The following GAS7 variants were observed in gnomAD, a reference collection of about 807,000 sequenced individuals.
GAS7 encodes the protein growth arrest-specific protein 7.
In GAS7, 28 loss-of-function variants were observed where a neutral mutation model predicts 71.1. That is an observed-to-expected ratio of 0.39 (90% CI 0.29 to 0.54). The LOEUF (loss-of-function observed/expected upper bound fraction) is 0.54, where lower values mean the gene tolerates loss of function less well. Among genes scored for constraint, GAS7 ranks in the 20% least tolerant of loss-of-function variants. GAS7 has a pLI of 0.62. For missense variants in GAS7, 436 were observed against 627.8 expected, an observed-to-expected ratio of 0.69 and a Z score of 3.27; for synonymous variants, 258 against 245.8, an observed-to-expected ratio of 1.05 and a Z score of -0.46.
intron 6 of GAS7, among the ~76,000 whole-genome samples, chr17:9,946,129 T>C (rs149592746): frequency 3.7e-4 from 56 of 152,346 alleles, no homozygotes; most frequent in Admixed American, 8.5e-4. Flanking sequence ...CCCCACTATC[T>C]GATTCCAGAA....
At chr17:10,022,232 T>G (rs1392740088) in intron 1 of GAS7, among the ~76,000 whole-genome samples, 4 of 152,100 alleles carry the variant, frequency 2.6e-5, no homozygotes, top group African/African-American at 9.7e-5. Flanking sequence ...CCAGCCTGGG[T>G]GACAGAGTGA....
At chr17:10,159,092 A>ATATATATATATATATATG (rs2074230520) in intron 1 of GAS7, among the ~76,000 whole-genome samples, 1 of 124,142 alleles carries the variant, frequency 8.1e-6, no homozygotes, top group African/African-American at 3.1e-5. Flanking sequence ...ATATATATAT[A>ATATATATATATATATATG]TATATTAAAG....
At chr17:9,963,391 TA>T (rs1285167030) in intron 4 of GAS7, among the ~76,000 whole-genome samples, 1 of 152,106 alleles carries the variant, frequency 6.6e-6, no homozygotes, top group African/African-American at 2.4e-5. Flanking sequence ...GTAAATATAG[TA>T]AAAAACACTG....
chr17:10,193,102 CTA>C (rs1423521422), intron 1 of GAS7, among the ~76,000 whole-genome samples: 1 of 152,086 alleles, frequency 6.6e-6, no homozygotes, highest in Non-Finnish European at 1.5e-5. Flanking sequence ...CTCAGATCCA[CTA>C]TGTCTATGAA....
chr17:10,054,041 T>G (rs1309112406), intron 1 of GAS7, among the ~76,000 whole-genome samples: 1 of 152,198 alleles, frequency 6.6e-6, no homozygotes, highest in African/African-American at 2.4e-5. Flanking sequence ...GCACTCCACT[T>G]TGAGAATCAC....
rs189503495 is a variant in GAS7, at chr17:10,062,568, T to C, written c.184-42671A>G. On this transcript the variant is annotated intron_variant, in intron 1 of 13. Coordinates refer to ENST00000432992, the MANE Select transcript of GAS7 (RefSeq NM_201433.2). Reference sequence around the variant, plus strand: ...ATCTTCCAATGATTCTCCATGGATATAGAGAAAAGTTAAACAAACTTTAAA... The same window carrying C: ...ATCTTCCAATGATTCTCCATGGATACAGAGAAAAGTTAAACAAACTTTAAA... Among the ~76,000 whole-genome samples the C allele has an allele frequency of 3.8e-3, 579 of 152,312 alleles. 3 individuals carry two copies. The highest frequency in any genetic ancestry group is 6.6e-3 in the Non-Finnish European group (448 of 68,016).
In GAS7 at chr17:9,917,294, T is replaced by G; in HGVS notation, c.1365A>C (p.Lys455Asn). 1 of 1,614,134 alleles carries G rather than the reference T, an allele frequency of 6.2e-7. No individual in the cohort carries two copies. The highest frequency in any genetic ancestry group is 8.5e-7 in the Non-Finnish European group (1 of 1,179,942). The change falls in exon 14 of 14, where the codon AAA becomes AAC. Residue 455 changes from lysine (K) to asparagine (N), a missense_variant. By Grantham distance (94) the Lys-to-Asn change is moderately conservative (BLOSUM62 0). Transcript: ENST00000432992. ...DQLLRKVDPAKDRELWVREHK... is the reference protein window; with the variant it reads ...DQLLRKVDPANDRELWVREHK... ...GCTCTCTGACCCACAGCTCCCTGTC[T>G]TTGGCCGGGTCCACTTTTCGAAGCA...
intron 1 of GAS7, among the ~76,000 whole-genome samples, chr17:10,092,013 C>T (rs2073588275): frequency 1.3e-5 from 2 of 151,990 alleles, no homozygotes; most frequent in Admixed American, 6.6e-5. Context: ...CAGTGGACAC[C>T]CACCTTCCTC....
chr17:9,948,010 A>C (rs2068859984), intron 5 of GAS7, among the ~76,000 whole-genome samples: 1 of 152,188 alleles, frequency 6.6e-6, no homozygotes, highest in African/African-American at 2.4e-5. Context: ...TCTTGTTTAT[A>C]ATTGTCTTAA....
intron 1 of GAS7, among the ~76,000 whole-genome samples, chr17:10,109,736 T>C (rs1023873026): frequency 2.0e-5 from 3 of 152,036 alleles, no homozygotes; most frequent in Admixed American, 6.6e-5. Flanking sequence ...CTGGCCAACA[T>C]AGCAAAACTC....
At chr17:9,958,825 T>C in intron 5 of GAS7, 1 of 251,372 alleles carries the variant, frequency 4.0e-6, no homozygotes, top group South Asian at 1.1e-4. Flanking sequence ...TTCCAGAAGT[T>C]ACCCCGCACA....
chr17:9,918,938 G>C (rs1259036772), intron 12 of GAS7, among the ~76,000 whole-genome samples: 37 of 152,146 alleles, frequency 2.4e-4, no homozygotes, highest in Admixed American at 2.3e-3. Context: ...TGCTCTGGTG[G>C]GCTGACACCT....
intron 1 of GAS7, among the ~76,000 whole-genome samples, chr17:10,190,588 A>G (rs528738766): frequency 6.6e-6 from 1 of 151,904 alleles, no homozygotes; most frequent in African/African-American, 2.4e-5. Context: ...TCAAAAAAAA[A>G]AAAAAGAAAA....
chr17:10,049,432 C>T (rs544915856), intron 1 of GAS7, among the ~76,000 whole-genome samples: 21 of 152,034 alleles, frequency 1.4e-4, no homozygotes, highest in African/African-American at 4.6e-4. Context: ...AATAGCACTC[C>T]CTCACCCAAA....
intron 7 of GAS7, among the ~76,000 whole-genome samples, chr17:9,942,000 C>A (rs756645121): frequency 6.6e-6 from 1 of 152,138 alleles, no homozygotes; most frequent in Non-Finnish European, 1.5e-5. Flanking sequence ...TGCCTCTAAT[C>A]CCAGCACTCT....
At chr17:10,185,396 G>A (rs1318648548) in intron 1 of GAS7, among the ~76,000 whole-genome samples, 1 of 152,124 alleles carries the variant, frequency 6.6e-6, no homozygotes, top group Non-Finnish European at 1.5e-5. Context: ...GCAGAAATAT[G>A]AATTCCACTT....
intron 2 of GAS7, among the ~76,000 whole-genome samples, chr17:10,009,775 G>A (rs2071697521): frequency 6.6e-6 from 1 of 151,140 alleles, no homozygotes; most frequent in Non-Finnish European, 1.5e-5. Context: ...GGAAGGCTAA[G>A]GTGGAAGGAT....
chr17:9,929,367 T>G (rs1325202212), intron 9 of GAS7, among the ~76,000 whole-genome samples: 1 of 152,222 alleles, frequency 6.6e-6, no homozygotes, highest in Non-Finnish European at 1.5e-5. Context: ...TTCCCCAAAT[T>G]CAAATGACAT....
intron 1 of GAS7, among the ~76,000 whole-genome samples, chr17:10,044,780 C>T (rs1439075470): frequency 1.3e-5 from 2 of 152,076 alleles, no homozygotes; most frequent in Non-Finnish European, 2.9e-5. Flanking sequence ...TCCGGCCAGG[C>T]GCGGTGGCTC....
Sources: gnomAD v4.1 joint callset for allele counts (sites outside exome capture counted in the v4.1 genomes callset) on GRCh38, gnomAD v4.1.1 for gene constraint, MANE v1.5 for transcripts, NCBI Gene and HGNC (gene_info 2026-07-23, HGNC 2026-07-21) for gene names.